The following NRG1 variants were observed in gnomAD, a reference collection of about 807,000 sequenced individuals.
NRG1 encodes neuregulin 1, also known as pro-neuregulin-1, membrane-bound isoform.
A neutral mutation model predicts 63.8 loss-of-function variants in NRG1; 18 were observed. The observed-to-expected ratio is 0.28, with a 90% CI of 0.19 to 0.42. NRG1 has a LOEUF of 0.42. NRG1 is among the 10% of genes least tolerant of loss of function. The pLI is 1.00. For missense variants in NRG1, 762 were observed against 814.7 expected, an observed-to-expected ratio of 0.94 and a Z score of 0.79; for synonymous variants, 302 against 301.3, an observed-to-expected ratio of 1.00 and a Z score of -0.02.
chr8:31,933,276 A>G (rs1273537744), intron 1 of NRG1, among the ~76,000 whole-genome samples: 6 of 150,782 alleles, frequency 4.0e-5, no homozygotes, highest in Non-Finnish European at 8.8e-5. Context: ...TGTCATTATT[A>G]TTATCCTCGT....
intron 1 of NRG1, among the ~76,000 whole-genome samples, chr8:31,981,540 A>T (rs1167301520): frequency 1.3e-5 from 2 of 152,040 alleles, no homozygotes; most frequent in African/African-American, 4.8e-5. Flanking sequence ...AACCTTGCCT[A>T]TCTGATGATT....
intron 1 of NRG1, among the ~76,000 whole-genome samples, chr8:32,504,020 T>C (rs1284482825): frequency 6.6e-6 from 1 of 152,184 alleles, no homozygotes; most frequent in Non-Finnish European, 1.5e-5. Flanking sequence ...CGTGTACGCA[T>C]GCCCACTTGA....
At chr8:32,486,585 T>A (rs541137027) in intron 1 of NRG1, among the ~76,000 whole-genome samples, 1 of 152,256 alleles carries the variant, frequency 6.6e-6, no homozygotes, top group Admixed American at 6.5e-5. Flanking sequence ...AGCAAGTTTT[T>A]AAATACACCA....
At chr8:32,562,926 G>T (rs929519941) in intron 1 of NRG1, among the ~76,000 whole-genome samples, 2 of 152,110 alleles carry the variant, frequency 1.3e-5, no homozygotes, top group African/African-American at 2.4e-5. Context: ...CAACTTTAGG[G>T]GTAGAAGAAA....
intron 1 of NRG1, among the ~76,000 whole-genome samples, chr8:32,316,651 C>T (rs978393403): frequency 1.3e-5 from 2 of 152,076 alleles, no homozygotes; most frequent in African/African-American, 4.8e-5. Context: ...GTGATGAAAG[C>T]TTCCTCTGCT....
chr8:32,346,947 A>G (rs537394136), intron 1 of NRG1, among the ~76,000 whole-genome samples: 2 of 151,536 alleles, frequency 1.3e-5, no homozygotes, highest in Admixed American at 6.6e-5. Context: ...CTCCTGCCTC[A>G]GCCTCCCAAG....
intron 1 of NRG1, among the ~76,000 whole-genome samples, chr8:32,059,240 C>T (rs113930321): frequency 0.024 from 3,605 of 151,718 alleles, 112 homozygotes; most frequent in African/African-American, 0.07. Context: ...TATTTTTTTA[C>T]TCTCTATCAT....
At chr8:32,042,587 G>C (rs1387166626) in intron 1 of NRG1, among the ~76,000 whole-genome samples, 1 of 152,126 alleles carries the variant, frequency 6.6e-6, no homozygotes, top group African/African-American at 2.4e-5. Context: ...TGAGATGACA[G>C]ATCTTGGAAT....
chr8:31,788,553 GT>G (rs1194924028), intron 1 of NRG1, among the ~76,000 whole-genome samples: 1 of 152,114 alleles, frequency 6.6e-6, no homozygotes, highest in African/African-American at 2.4e-5. Context: ...TTCTTTGAGA[GT>G]TCTTAAGACT....
intron 5 of NRG1, among the ~76,000 whole-genome samples, chr8:32,723,208 C>T (rs1272608329): frequency 6.6e-6 from 1 of 152,102 alleles, no homozygotes; most frequent in African/African-American, 2.4e-5. Context: ...AGAAGTCCCA[C>T]AGCTAATAAT....
intron 4 of NRG1, among the ~76,000 whole-genome samples, chr8:32,615,753 A>G (rs1847237977): frequency 6.6e-6 from 1 of 152,176 alleles, no homozygotes; most frequent in South Asian, 2.1e-4. Context: ...TATTTAGGAC[A>G]TATTCATATG....
intron 1 of NRG1, among the ~76,000 whole-genome samples, chr8:32,397,164 T>C (rs1405798749): frequency 2.6e-5 from 4 of 152,190 alleles, no homozygotes; most frequent in Non-Finnish European, 4.4e-5. Context: ...AGATAATCTA[T>C]AGATATCTAA....
chr8:32,666,393 A>G (rs1162646792), intron 5 of NRG1, among the ~76,000 whole-genome samples: 1 of 152,182 alleles, frequency 6.6e-6, no homozygotes, highest in Admixed American at 6.5e-5. Context: ...ACCCTTCTGG[A>G]AACTGTATAT....
chr8:32,093,513 G>T (rs941722092), intron 1 of NRG1, among the ~76,000 whole-genome samples: 1 of 152,154 alleles, frequency 6.6e-6, no homozygotes, highest in Non-Finnish European at 1.5e-5. Flanking sequence ...GAATATCCTT[G>T]TACCAAGCCA....
chr8:31,796,733 G>C (rs1052227883), intron 1 of NRG1, among the ~76,000 whole-genome samples: 1 of 152,044 alleles, frequency 6.6e-6, no homozygotes, highest in Non-Finnish European at 1.5e-5. Flanking sequence ...CACTGCGCCC[G>C]GCCAGAAGGT....
chr8:31,792,373 A>G (rs1820800519), intron 1 of NRG1, among the ~76,000 whole-genome samples: 1 of 152,238 alleles, frequency 6.6e-6, no homozygotes, highest in South Asian at 2.1e-4. Flanking sequence ...GAAGCCCAGT[A>G]CACAGGAGGG....
intron 1 of NRG1, among the ~76,000 whole-genome samples, chr8:31,917,645 C>T (rs548199391): frequency 6.6e-6 from 1 of 152,270 alleles, no homozygotes; most frequent in South Asian, 2.1e-4. Context: ...AACGTGATGC[C>T]TCCAGCTTTG....
chr8:32,583,875 T>A (rs1841148737), intron 1 of NRG1, among the ~76,000 whole-genome samples: 3 of 152,218 alleles, frequency 2.0e-5, no homozygotes, highest in African/African-American at 4.8e-5. Context: ...GAAAACGATA[T>A]GTTGACATGC....
intron 1 of NRG1, among the ~76,000 whole-genome samples, chr8:32,579,762 G>T (rs1023910307): frequency 7.2e-5 from 11 of 152,164 alleles, no homozygotes; most frequent in Non-Finnish European, 1.3e-4. Context: ...CACAAACTTT[G>T]AGGCTTAAAG....
Sources: gnomAD v4.1 joint callset for allele counts (sites outside exome capture counted in the v4.1 genomes callset) on GRCh38, gnomAD v4.1.1 for gene constraint, MANE v1.5 for transcripts, NCBI Gene and HGNC (gene_info 2026-07-23, HGNC 2026-07-21) for gene names.